The following SLC2A13 variants were observed in gnomAD, a reference collection of about 807,000 sequenced individuals.
SLC2A13 encodes the protein proton myo-inositol cotransporter.
A neutral mutation model predicts 64.4 loss-of-function variants in SLC2A13; 32 were observed. The observed-to-expected ratio is 0.50, with a 90% CI of 0.37 to 0.67. The LOEUF (loss-of-function observed/expected upper bound fraction) is 0.67. Among genes scored for constraint, SLC2A13 ranks in the 30% least tolerant of loss-of-function variants. SLC2A13 has a pLI of 0.00. For missense variants in SLC2A13, 743 were observed against 829.2 expected (o/e 0.90, Z 1.28); for synonymous variants, 338 against 327.1 (o/e 1.03, Z -0.36).
intron 7 of SLC2A13, among the ~76,000 whole-genome samples, chr12:39,797,740 A>ACATACG (rs10695272): frequency 0.59 from 76,815 of 131,212 alleles, 20,177 homozygotes; most frequent in East Asian, 0.71. Context: ...ACACACACAC[A>ACATACG]CACACACACA....
intron 2 of SLC2A13, among the ~76,000 whole-genome samples, chr12:40,037,083 G>C (rs1948000100): frequency 6.6e-6 from 1 of 152,052 alleles, no homozygotes; most frequent in Non-Finnish European, 1.5e-5. Flanking sequence ...CAACCTTCCT[G>C]GGTCATGATT....
chr12:39,817,939 T>C (rs751004580), intron 7 of SLC2A13, among the ~76,000 whole-genome samples: 25 of 152,210 alleles, frequency 1.6e-4, no homozygotes, highest in Non-Finnish European at 2.9e-4. Flanking sequence ...TCCTTGAACT[T>C]GTCTAGGTCT....
chr12:40,105,553 C>A lies in SLC2A13; in HGVS notation c.256G>T (p.Val86Phe), dbSNP rs775125127. Residue 86 changes from valine (V) to phenylalanine (F), a missense_variant, in exon 1 of 10, where the codon GTC (valine) becomes TTC (phenylalanine). This residue lies in a region of SLC2A13 where 448 missense variants were observed against 447.4 expected (regional missense o/e 1.00). Transcript: ENST00000280871. This position sits in a 1 kb window ranked among gnomAD's most constrained non-coding sequence, Gnocchi z 4.2. Reference sequence around the variant, plus strand: ...AGGAAGCCGCCCAGCGCGGAGAAGACGGCCACCACGTACACGAAGGCGGGG... The same window carrying A: ...AGGAAGCCGCCCAGCGCGGAGAAGAAGGCCACCACGTACACGAAGGCGGGG... Reference protein sequence around the residue: ...ETPAFVYVVAVFSALGGFLFG... With the variant: ...ETPAFVYVVAFFSALGGFLFG... 1.5e-5 allele frequency: 24 copies of A among 1,577,102 alleles called. No individual in the cohort carries two copies. The highest frequency in any genetic ancestry group is 2.1e-5 in the Non-Finnish European group (24 of 1,164,378).
chr12:39,934,815 G>C (rs1321071865), intron 4 of SLC2A13, among the ~76,000 whole-genome samples: 1 of 152,116 alleles, frequency 6.6e-6, no homozygotes, highest in African/African-American at 2.4e-5. Flanking sequence ...AATCTGTCCA[G>C]TAAGAAATGA....
At chr12:39,915,052 T>G (rs956853001) in intron 4 of SLC2A13, among the ~76,000 whole-genome samples, 8 of 151,786 alleles carry the variant, frequency 5.3e-5, no homozygotes, top group Admixed American at 3.9e-4. Flanking sequence ...TTTCAATTTA[T>G]CAAGAAAAGG....
intron 3 of SLC2A13, among the ~76,000 whole-genome samples, chr12:40,010,389 T>C (rs1459401404): frequency 6.6e-6 from 1 of 152,178 alleles, no homozygotes; most frequent in East Asian, 1.9e-4. Context: ...AATAATTTTA[T>C]CACCCTAAAA....
intron 1 of SLC2A13, among the ~76,000 whole-genome samples, chr12:40,058,344 C>T (rs1207408026): frequency 6.6e-6 from 1 of 152,064 alleles, no homozygotes; most frequent in Non-Finnish European, 1.5e-5. Flanking sequence ...TTATTTTCTA[C>T]ATGCATACCT....
intron 4 of SLC2A13, among the ~76,000 whole-genome samples, chr12:39,876,528 ATAAT>A (rs1944188432): frequency 6.6e-6 from 1 of 152,196 alleles, no homozygotes; most frequent in East Asian, 1.9e-4. Flanking sequence ...GAAATTAAGA[ATAAT>A]TATATTAAAA....
chr12:39,820,863 C>T (rs902147849), intron 7 of SLC2A13, among the ~76,000 whole-genome samples: 1 of 151,000 alleles, frequency 6.6e-6, no homozygotes, highest in African/African-American at 2.4e-5. Context: ...GTTTGTTCTT[C>T]ATAAAATTCT....
chr12:40,085,604 T>C (rs1938564797), intron 1 of SLC2A13, among the ~76,000 whole-genome samples: 1 of 152,202 alleles, frequency 6.6e-6, no homozygotes, highest in East Asian at 1.9e-4. Context: ...AAAAATATAC[T>C]TTTGAGTATG....
chr12:39,970,439 C>G (rs1946625280), intron 3 of SLC2A13, among the ~76,000 whole-genome samples: 1 of 152,154 alleles, frequency 6.6e-6, no homozygotes, highest in Non-Finnish European at 1.5e-5. Context: ...CATTTCATAT[C>G]CTTAGATGAT....
chr12:39,980,199 G>C (rs1946862240), intron 3 of SLC2A13, among the ~76,000 whole-genome samples: 1 of 151,926 alleles, frequency 6.6e-6, no homozygotes, highest in Non-Finnish European at 1.5e-5. Context: ...GGAACAACCA[G>C]TACCAGCCAC....
chr12:39,970,203 C>T (rs1451543618), intron 3 of SLC2A13, among the ~76,000 whole-genome samples: 1 of 152,140 alleles, frequency 6.6e-6, no homozygotes, highest in African/African-American at 2.4e-5. Flanking sequence ...GTTACTGTAG[C>T]CTTGTAGTAT....
At chr12:39,776,806 C>T (rs930445298) in intron 7 of SLC2A13, among the ~76,000 whole-genome samples, 3 of 152,138 alleles carry the variant, frequency 2.0e-5, no homozygotes, top group African/African-American at 4.8e-5. Flanking sequence ...TCAAGCATGT[C>T]TCTTTTCTGC....
At chr12:39,838,875 C>T (rs2135868087) in intron 6 of SLC2A13, among the ~76,000 whole-genome samples, 1 of 152,150 alleles carries the variant, frequency 6.6e-6, no homozygotes, top group East Asian at 1.9e-4. Context: ...TCATTAAACT[C>T]AATGAGATGG....
chr12:39,916,808 G>C (rs1230786546), intron 4 of SLC2A13, among the ~76,000 whole-genome samples: 2 of 93,940 alleles, frequency 2.1e-5, no homozygotes, highest in African/African-American at 8.0e-5. Flanking sequence ...TTGTCTTGTG[G>C]AAGGATTATC....
intron 7 of SLC2A13, among the ~76,000 whole-genome samples, chr12:39,767,064 T>C (rs1940380192): frequency 6.6e-6 from 1 of 152,112 alleles, no homozygotes; most frequent in African/African-American, 2.4e-5. Context: ...TTCCAGAAGA[T>C]TTTCACTTTA....
intron 1 of SLC2A13, among the ~76,000 whole-genome samples, chr12:40,075,112 T>TC (rs766722009): frequency 3.3e-5 from 5 of 152,184 alleles, no homozygotes; most frequent in Non-Finnish European, 7.3e-5. Flanking sequence ...TGGCTCCTTT[T>TC]CCCTTCCTTG....
At chr12:39,857,188 C>G (rs1470418668) in intron 6 of SLC2A13, among the ~76,000 whole-genome samples, 1 of 152,154 alleles carries the variant, frequency 6.6e-6, no homozygotes, top group African/African-American at 2.4e-5. Flanking sequence ...TCAGAAACAC[C>G]TTTCTCAGAA....
Sources: allele counts gnomAD v4.1 joint callset (sites outside exome capture counted in the v4.1 genomes callset), GRCh38; gene constraint gnomAD v4.1.1; regional missense constraint gnomAD v4.1.1; non-coding constraint Gnocchi (gnomAD v3.1); transcripts MANE v1.5; gene names NCBI Gene and HGNC (gene_info 2026-07-23, HGNC 2026-07-21).